Variants in ING5 observed in about 807,000 individuals in gnomAD.
ING5 encodes the protein inhibitor of growth protein 5.
Under a neutral mutation model 37.4 loss-of-function variants are expected in ING5, and 17 were observed. The observed-to-expected ratio is 0.45, with a 90% CI of 0.31 to 0.68. ING5 has a LOEUF of 0.68. Among genes scored for constraint, ING5 ranks in the 30% least tolerant of loss-of-function variants. The probability of loss-of-function intolerance (pLI) is 0.05; values close to 1 mark genes in which losing one functional copy is unlikely to be tolerated. For missense variants in ING5, 233 were observed against 311.9 expected, an observed-to-expected ratio of 0.75 and a Z score of 1.91; for synonymous variants, 123 against 116.6, an observed-to-expected ratio of 1.06 and a Z score of -0.36.
intron 2 of ING5, chr2:241,690,798 G>A (rs2069539788): frequency 2.6e-6 from 1 of 390,692 alleles, no homozygotes; most frequent in Non-Finnish European, 4.5e-6. Context: ...TAGGTTCTCT[G>A]CTTGCTTTTT....
In ING5 at chr2:241,704,639, T is replaced by G. The variant is rs770671888; in HGVS notation, c.38-14T>G. ...TGCTGAGAGGTACATGGCTTCTGTG[T>G]TTTTGCGTTTCAGGTATCGAGAACC... On this transcript the variant is annotated splice_polypyrimidine_tract_variant and intron_variant, in intron 1 of 7. Transcript: ENST00000313552. 3.7e-6 allele frequency: 6 copies of G among 1,611,944 alleles called. No individual in the cohort carries two copies. Among genetic ancestry groups the G allele is most frequent in the Middle Eastern group, 1.7e-4 (1 of 6,052 alleles).
At chr2:241,696,283 C>T (rs1433135709) in intron 2 of ING5, among the ~76,000 whole-genome samples, 1 of 151,700 alleles carries the variant, frequency 6.6e-6, no homozygotes, top group Non-Finnish European at 1.5e-5. Flanking sequence ...CCTAGCTACT[C>T]GGGAGGCCAA....
intron 1 of ING5, among the ~76,000 whole-genome samples, chr2:241,688,618 A>G (rs1017236580): frequency 6.6e-6 from 1 of 151,886 alleles, no homozygotes; most frequent in African/African-American, 2.4e-5. Flanking sequence ...TTTTTAATTT[A>G]CTTTTATTGC....
intron 1 of ING5, among the ~76,000 whole-genome samples, chr2:241,689,413 C>T (rs540986919): frequency 6.6e-6 from 1 of 152,248 alleles, no homozygotes; most frequent in South Asian, 2.1e-4. Context: ...CCTGGCCTAC[C>T]CTTTCTTCCT....
intron 1 of ING5, among the ~76,000 whole-genome samples, chr2:241,703,360 G>A (rs1367541388): frequency 1.3e-5 from 2 of 152,276 alleles, no homozygotes; most frequent in East Asian, 3.9e-4. Flanking sequence ...GACTGGAGGA[G>A]GCAGCCCCCC....
intron 3 of ING5, among the ~76,000 whole-genome samples, chr2:241,710,464 A>G (rs1030366343): frequency 2.0e-5 from 3 of 147,988 alleles, no homozygotes; most frequent in African/African-American, 7.4e-5. Flanking sequence ...CACTACCAAC[A>G]GGCTAATTTT....
chr2:241,709,069 A>G, intron 2 of ING5, 147 bp from the exon 3 acceptor site: 1 of 819,158 alleles, frequency 1.2e-6, no homozygotes, highest in Non-Finnish European at 2.0e-6. Context: ...GGTTCTGCCC[A>G]CTTGCGCTCC....
intron 7 of ING5, chr2:241,724,529 C>T (rs1691529135): frequency 5.6e-6 from 1 of 180,126 alleles, no homozygotes; most frequent in Admixed American, 5.7e-5. Flanking sequence ...CGTGCAGCTC[C>T]AGAACTTGCT....
upstream of ING5, among the ~76,000 whole-genome samples, chr2:241,697,443 A>C (rs1371962883): frequency 6.6e-6 from 1 of 151,956 alleles, no homozygotes; most frequent in Non-Finnish European, 1.5e-5. Context: ...TCAAAAAAAA[A>C]AAAAAAAAAA....
In ING5 at chr2:241,712,113, C is replaced by G. The variant is rs1337017482; in HGVS notation, c.482+42C>G. 16 of 1,444,330 alleles carry G rather than the reference C, an allele frequency of 1.1e-5. No individual in the cohort carries two copies. The African/African-American group carries it at 2.1e-4, about 19-fold the overall frequency. The allele number at this position is 1,444,330 out of a possible 1,614,324, so 89.5% of individuals were successfully genotyped here. ...TCTTTTTCCCAAAAGAACGAATACC[C>G]ATAGCCTGTATCCCGGATGTAGGAA... On this transcript the variant is annotated intron_variant, in intron 5 of 7. Coordinates refer to ENST00000313552, the MANE Select transcript of ING5 (RefSeq NM_032329.6).
chr2:241,692,190 C>T (rs922417332), intron 2 of ING5, among the ~76,000 whole-genome samples: 4 of 152,200 alleles, frequency 2.6e-5, no homozygotes, highest in Non-Finnish European at 5.9e-5. Flanking sequence ...GCTGGCGCCT[C>T]GTGCCTCAGA....
intron 5 of ING5, among the ~76,000 whole-genome samples, chr2:241,718,082 C>T (rs139342139): frequency 0.01 from 1,554 of 151,234 alleles, 27 homozygotes; most frequent in African/African-American, 0.036. Flanking sequence ...GCGCAATCTC[C>T]GCTCACCGCA....
chr2:241,710,515 G>A (rs1256410374), intron 3 of ING5, among the ~76,000 whole-genome samples: 1 of 150,814 alleles, frequency 6.6e-6, no homozygotes, highest in Non-Finnish European at 1.5e-5. Flanking sequence ...ACAGAGCTTC[G>A]CTCTTGTTGC....
intron 1 of ING5, among the ~76,000 whole-genome samples, chr2:241,689,134 C>T (rs1454664521): frequency 4.7e-5 from 7 of 149,148 alleles, no homozygotes; most frequent in Middle Eastern, 3.7e-3. Context: ...TTTTTTGAGA[C>T]GGAGTTTCTG....
rs1414460975 is a variant in ING5, at chr2:241,711,536, A to T, written c.388+48A>T. 7 of 1,227,756 alleles carry T rather than the reference A, an allele frequency of 5.7e-6. No homozygotes were observed. The African/African-American group carries it at 1.1e-4, about 19-fold the overall frequency. The allele number at this position is 1,227,756 out of a possible 1,614,324, so 76.1% of individuals were successfully genotyped here. A position where few individuals can be genotyped will look rare whatever the true frequency, so the allele number is the denominator to read the frequency against. On this transcript the variant is annotated intron_variant, in intron 4 of 7. Coordinates refer to ENST00000313552, the MANE Select transcript of ING5 (RefSeq NM_032329.6). ...TTTATTTTATTACTGTTAACTATGG[A>T]GTTTTGAAGAGTTTTGTCACGGTAA...
At chr2:241,689,915 G>C (rs774263643) in exon 2 of ING5, 1 of 141,240 alleles carries the variant, frequency 7.1e-6, no homozygotes, top group Non-Finnish European at 1.6e-5. Flanking sequence ...CCACCTTCCA[G>C]AGGATGAAGG....
intron 5 of ING5, chr2:241,722,652 G>C (rs2070460954): frequency 1.0e-6 from 1 of 985,310 alleles, no homozygotes; most frequent in Admixed American, 6.1e-5. Context: ...TTTTGAAAAT[G>C]TGTGCTCCAG....
upstream of ING5, among the ~76,000 whole-genome samples, chr2:241,700,317 C>T (rs1225921927): frequency 1.3e-5 from 2 of 151,902 alleles, no homozygotes; most frequent in African/African-American, 4.8e-5. Flanking sequence ...CCACCATGCC[C>T]AGCTAATTTT....
At chr2:241,699,822 A>G (rs926553920), upstream of ING5, among the ~76,000 whole-genome samples, 18 of 152,072 alleles carry the variant, frequency 1.2e-4, no homozygotes, top group African/African-American at 4.3e-4. Flanking sequence ...CTCACCCATG[A>G]AAGACCTGCC....
Sources: allele counts gnomAD v4.1 joint callset (sites outside exome capture counted in the v4.1 genomes callset), GRCh38; gene constraint gnomAD v4.1.1; transcripts MANE v1.5; gene names NCBI Gene and HGNC (gene_info 2026-07-23, HGNC 2026-07-21).